The following CNTLN variants were observed in gnomAD, a reference collection of about 807,000 sequenced individuals.
CNTLN encodes the protein centlein, centrosomal protein.
CNTLN carries 212 observed loss-of-function variants against 180.0 expected under a neutral mutation model. That is an observed-to-expected ratio of 1.18 (90% CI 1.05 to 1.32). The LOEUF (loss-of-function observed/expected upper bound fraction) is 1.32, where lower values mean the gene tolerates loss of function less well. Ranked by LOEUF, CNTLN falls within the 40% of genes most tolerant of loss-of-function variation. The probability of loss-of-function intolerance (pLI) is 0.00; values close to 1 mark genes in which losing one functional copy is unlikely to be tolerated. For missense variants in CNTLN, 2,095 were observed against 1,610.9 expected, an observed-to-expected ratio of 1.30 and a Z score of -5.14; for synonymous variants, 722 against 563.1, an observed-to-expected ratio of 1.28 and a Z score of -3.99.
At chr9:17,233,929 G>C (rs1005582912) in intron 3 of CNTLN, among the ~76,000 whole-genome samples, 5 of 152,258 alleles carry the variant, frequency 3.3e-5, no homozygotes, top group Middle Eastern at 3.4e-3. Context: ...CTTACCCTTG[G>C]AGGGAATAAG....
intron 2 of CNTLN, among the ~76,000 whole-genome samples, chr9:17,186,956 A>G (rs1427793440): frequency 6.6e-6 from 1 of 151,938 alleles, no homozygotes; most frequent in Non-Finnish European, 1.5e-5. Flanking sequence ...TGGAGTTGCA[A>G]ATTGTTTTAG....
chr9:17,170,922 A>G (rs1044176402), intron 2 of CNTLN, among the ~76,000 whole-genome samples: 10 of 152,046 alleles, frequency 6.6e-5, no homozygotes, highest in African/African-American at 1.9e-4. Flanking sequence ...ACAGTTGCCT[A>G]TAGTATTCAG....
intron 5 of CNTLN, among the ~76,000 whole-genome samples, chr9:17,246,455 C>T (rs548027148): frequency 3.3e-5 from 5 of 152,288 alleles, no homozygotes; most frequent in African/African-American, 1.2e-4. Context: ...GACACAAGCA[C>T]CCCTGTGACC....
At chr9:17,218,083 G>A (rs1373446277) in intron 2 of CNTLN, among the ~76,000 whole-genome samples, 2 of 151,870 alleles carry the variant, frequency 1.3e-5, no homozygotes, top group African/African-American at 2.4e-5. Context: ...GATTGAATAA[G>A]GAAAAAAATG....
intron 2 of CNTLN, among the ~76,000 whole-genome samples, chr9:17,162,855 C>G (rs552297496): frequency 9.9e-5 from 15 of 152,236 alleles, no homozygotes; most frequent in African/African-American, 3.6e-4. Flanking sequence ...AGTGACTTCT[C>G]ACATTAATTA....
At chr9:17,207,437 C>A (rs1163839954) in intron 2 of CNTLN, among the ~76,000 whole-genome samples, 1 of 152,122 alleles carries the variant, frequency 6.6e-6, no homozygotes, top group Non-Finnish European at 1.5e-5. Flanking sequence ...GGTGTCTGCC[C>A]AAAGAGCAGC....
chr9:17,508,655 A>T (rs552404138), downstream of CNTLN, among the ~76,000 whole-genome samples: 3 of 152,200 alleles, frequency 2.0e-5, no homozygotes, highest in Non-Finnish European at 4.4e-5. Context: ...ATATAAATGG[A>T]ATTATGGAAT....
chr9:17,349,044 C>A (rs1449772066), intron 12 of CNTLN, among the ~76,000 whole-genome samples: 1 of 152,082 alleles, frequency 6.6e-6, no homozygotes, highest in Non-Finnish European at 1.5e-5. Context: ...TCTCTAGGAA[C>A]TAGCTTGGGG....
chr9:17,473,074 C>T (rs1832118994), intron 23 of CNTLN, among the ~76,000 whole-genome samples: 1 of 152,156 alleles, frequency 6.6e-6, no homozygotes, highest in Non-Finnish European at 1.5e-5. Context: ...TTTTGAATCT[C>T]TGCCTACTTC....
chr9:17,228,038 T>C (rs1350542555), intron 3 of CNTLN, among the ~76,000 whole-genome samples: 2 of 152,016 alleles, frequency 1.3e-5, no homozygotes, highest in Admixed American at 6.6e-5. Flanking sequence ...CACCCCAAGA[T>C]TCAGGCGATT....
chr9:17,204,807 T>G (rs905523361), intron 2 of CNTLN, among the ~76,000 whole-genome samples: 3 of 152,114 alleles, frequency 2.0e-5, no homozygotes, highest in Non-Finnish European at 4.4e-5. Context: ...TCCCCCCAGG[T>G]GCTCTGTTGC....
intron 2 of CNTLN, among the ~76,000 whole-genome samples, chr9:17,212,798 C>G (rs996520890): frequency 2.0e-5 from 3 of 152,148 alleles, no homozygotes; most frequent in South Asian, 2.1e-4. Flanking sequence ...TGTATGTGTC[C>G]AGGAATTTAT....
chr9:17,437,575 A>G (rs896794801), intron 18 of CNTLN, among the ~76,000 whole-genome samples: 4 of 152,334 alleles, frequency 2.6e-5, no homozygotes, highest in African/African-American at 9.6e-5. Context: ...TTGAATTGAT[A>G]TACTATTTAA....
chr9:17,394,920 G>A lies in CNTLN; in HGVS notation c.2466G>A (p.Lys822=). 1 of 1,614,076 alleles carries A rather than the reference G, an allele frequency of 6.2e-7. No homozygotes were observed. The highest frequency in any genetic ancestry group is 8.5e-7 in the Non-Finnish European group (1 of 1,179,970). Residue 822 remains lysine (K), a synonymous_variant, in exon 15 of 26, where the codon AAG becomes AAA. Transcript: ENST00000380647. The stretch of plus-strand genomic sequence containing the variant: ...TGAGATCTGGACGATATGATTGTAA[G>A]ACAACTATGACCAAGGTTAAATTTA... The part of the protein sequence containing the change: ...MKVRSGRYDC[K]TTMTKVKFKA...
chr9:17,267,626 C>G (rs933892617), intron 5 of CNTLN, among the ~76,000 whole-genome samples: 1 of 152,052 alleles, frequency 6.6e-6, no homozygotes, highest in Non-Finnish European at 1.5e-5. Flanking sequence ...TAATATCCTG[C>G]AGAGTGTTTT....
chr9:17,236,450 A>G lies in CNTLN; in HGVS notation c.711A>G (p.Arg237=). The change falls in exon 5 of 26, where the codon AGA becomes AGG. Residue 237 remains arginine, a synonymous_variant. Coordinates refer to ENST00000380647, the MANE Select transcript of CNTLN (RefSeq NM_017738.4). The part of the protein sequence containing the change: ...ECVQNKEEQN[R]LVIKNLEEEN... Reference sequence around the variant, plus strand: ...TACAGAACAAAGAAGAGCAAAACAGACTAGTTATAAAAAATCTGGAGGAGG... The same window carrying G: ...TACAGAACAAAGAAGAGCAAAACAGGCTAGTTATAAAAAATCTGGAGGAGG... The G allele has an allele frequency of 6.2e-7, 1 of 1,613,704 alleles. No individual in the cohort carries two copies. Among genetic ancestry groups the G allele is most frequent in the African/African-American group, 1.3e-5 (1 of 75,016 alleles).
At chr9:17,425,369 C>T (rs1245131786) in intron 18 of CNTLN, among the ~76,000 whole-genome samples, 4 of 152,120 alleles carry the variant, frequency 2.6e-5, no homozygotes, top group African/African-American at 9.7e-5. Flanking sequence ...CATAATAGGA[C>T]ACAACAAGAC....
chr9:17,477,208 A>G (rs1028543267), intron 23 of CNTLN, among the ~76,000 whole-genome samples: 7 of 152,166 alleles, frequency 4.6e-5, no homozygotes, highest in African/African-American at 9.7e-5. Context: ...TCCTTTCAAA[A>G]TATTGCTGCT....
At position 17,297,589 on chromosome 9, in the gene CNTLN, C is replaced by T. The variant is rs545116620; in HGVS notation, c.984-601C>T. On this transcript the variant is annotated intron_variant, in intron 6 of 25. Transcript: ENST00000380647. ...TTGTCCTCCTGCTTATCAGTTTCAT[C>T]CTGGGTAGGTTCGAAGGACTGGATT... Among the ~76,000 whole-genome samples the T allele has an allele frequency of 7.2e-5, 11 of 152,236 alleles. No homozygotes were observed. The East Asian group carries it at 1.7e-3, about 24-fold the overall frequency.
Sources: allele counts gnomAD v4.1 joint callset (sites outside exome capture counted in the v4.1 genomes callset), GRCh38; gene constraint gnomAD v4.1.1; transcripts MANE v1.5; gene names NCBI Gene and HGNC (gene_info 2026-07-23, HGNC 2026-07-21).